INCA1: variants seen among roughly 807,000 people sequenced by gnomAD.
INCA1 encodes inhibitor of CDK, cyclin A1 interacting protein 1, also known as protein INCA1.
Under a neutral mutation model 25.7 loss-of-function variants are expected in INCA1, and 28 were observed. That is an observed-to-expected ratio of 1.09 (90% CI 0.81 to 1.49). INCA1 has a LOEUF of 1.49. Among genes scored for constraint, INCA1 ranks in the 40% most tolerant of loss-of-function variants. The pLI is 0.00. For synonymous variants in INCA1, 111 were observed against 103.6 expected (o/e 1.07, Z -0.43); for missense variants, 309 against 290.9 (o/e 1.06, Z -0.45).
intron 2 of INCA1, among the ~76,000 whole-genome samples, chr17:4,993,029 G>A (rs1597814860): frequency 6.6e-6 from 1 of 151,868 alleles, no homozygotes; most frequent in African/African-American, 2.4e-5. Context: ...ATAGGCACCC[G>A]CCACCACACT....
chr17:4,989,924 G>A, exon 4 of INCA1: 1 of 1,614,222 alleles, frequency 6.2e-7, no homozygotes, highest in Non-Finnish European at 8.5e-7. Flanking sequence ...CTCCAGCCAA[G>A]TGGGGCTGTG....
chr17:4,989,244 C>T (rs935751347), intron 5 of INCA1, among the ~76,000 whole-genome samples, 184 bp downstream of exon 5: 1 of 152,202 alleles, frequency 6.6e-6, no homozygotes, highest in Non-Finnish European at 1.5e-5. Context: ...GCAGTTCCCT[C>T]CTTCTTTCCA....
At chr17:4,989,438 T>C (rs746480884) in exon 5 of INCA1, 1 of 1,612,998 alleles carries the variant, frequency 6.2e-7, no homozygotes, top group South Asian at 1.1e-5. Context: ...TCGTTGATGA[T>C]GCTCTGACGC....
chr17:4,991,844 A>G (rs560858856), intron 2 of INCA1, among the ~76,000 whole-genome samples: 2 of 152,268 alleles, frequency 1.3e-5, no homozygotes, highest in South Asian at 4.1e-4. Context: ...AGTTCCTGTC[A>G]GTTTTACATC....
intron 6 of INCA1, 65 bp from the exon 7 acceptor site, chr17:4,988,619 T>A (rs1301133239): frequency 6.3e-7 from 1 of 1,590,144 alleles, no homozygotes; most frequent in Non-Finnish European, 8.6e-7. Context: ...GATTTCCTAG[T>A]ACCCAAGCTT....
chr17:4,989,345 G>T, intron 5 of INCA1, 83 bp downstream of exon 5: 1 of 1,334,126 alleles, frequency 7.5e-7, no homozygotes, highest in South Asian at 1.4e-5. Context: ...TCCCCTCAAA[G>T]CTGTCAACCC....
exon 5 of INCA1, chr17:4,989,525 C>T: frequency 6.2e-7 from 1 of 1,614,250 alleles, no homozygotes; most frequent in Non-Finnish European, 8.5e-7. Flanking sequence ...TGCTGCATTC[C>T]TTCCAAACAT....
chr17:4,992,481 A>C (rs1450191017), intron 2 of INCA1, among the ~76,000 whole-genome samples: 1 of 152,078 alleles, frequency 6.6e-6, no homozygotes, highest in African/African-American at 2.4e-5. Flanking sequence ...ATGAGGTCTC[A>C]CTATGTTGCC....
At chr17:4,990,413 G>A (rs1973793910) in intron 2 of INCA1, 148 bp from the exon 3 acceptor site, 1 of 853,924 alleles carries the variant, frequency 1.2e-6, no homozygotes, top group Non-Finnish European at 1.8e-6. Context: ...TTTAGCTGAA[G>A]AAGGTGGTAA....
At position 4,990,371 on chromosome 17, in the gene INCA1, G is replaced by C; in HGVS notation, c.45-106C>G. ...TTCCATGGGACTATAAAGCTGCCCAGGTTCCCTCGGGCCATGTCCTCTCTT... is the reference window on the plus strand; with the variant it reads ...TTCCATGGGACTATAAAGCTGCCCACGTTCCCTCGGGCCATGTCCTCTCTT... On this transcript the variant is annotated intron_variant, in intron 2 of 6. Transcript: ENST00000576820. 3 of 1,284,146 alleles carry C rather than the reference G, an allele frequency of 2.3e-6. No homozygotes were observed. The South Asian group carries it at 4.6e-5, about 20-fold the overall frequency. 79.5% of individuals were successfully genotyped at this position (1,284,146 alleles called of 1,614,324 possible).
rs547645033 is a variant in INCA1, at chr17:4,995,023, T to A, written c.-38-548A>T. Reference sequence around the variant, plus strand: ...GAGTTCGAGACCAGTCTGACCAACATGGAGAAACCCCGTCTCTACTAAAAA... The same window carrying A: ...GAGTTCGAGACCAGTCTGACCAACAAGGAGAAACCCCGTCTCTACTAAAAA... On this transcript the variant is annotated intron_variant, in intron 1 of 6. Coordinates refer to ENST00000576820, the Ensembl canonical transcript of INCA1. Among the ~76,000 whole-genome samples the A allele has an allele frequency of 2.6e-5, 4 of 151,946 alleles. No homozygotes were observed. In the South Asian group the frequency reaches 8.3e-4, roughly 32 times the overall value.
At chr17:4,990,083 T>G in intron 3 of INCA1, 69 bp downstream of exon 3, 2 of 1,610,504 alleles carry the variant, frequency 1.2e-6, no homozygotes, top group Non-Finnish European at 1.7e-6. Flanking sequence ...CCTATTGCTA[T>G]ATGGGTTTAT....
At chr17:4,996,257 T>G (rs1974251730) in intron 1 of INCA1, among the ~76,000 whole-genome samples, 1 of 150,744 alleles carries the variant, frequency 6.6e-6, no homozygotes. Context: ...TGTGGTGGTG[T>G]GCGCTTGTAC....
At chr17:4,989,799 G>A in intron 4 of INCA1, 91 bp downstream of exon 4, 1 of 1,592,266 alleles carries the variant, frequency 6.3e-7, no homozygotes, top group Non-Finnish European at 8.6e-7. Flanking sequence ...GGGAATAACA[G>A]AGGGAAGCGG....
chr17:4,993,617 C>T (rs1305842248), intron 2 of INCA1, among the ~76,000 whole-genome samples: 7 of 151,842 alleles, frequency 4.6e-5, no homozygotes, highest in East Asian at 1.9e-4. Context: ...TACAGGCGCC[C>T]GCCACCACAC....
intron 5 of INCA1, 34 bp downstream of exon 5, chr17:4,989,385 AATCCTGCAT>A: frequency 6.4e-7 from 1 of 1,572,566 alleles, no homozygotes; most frequent in Non-Finnish European, 8.7e-7. Flanking sequence ...TCTGCCCCCA[AATCCTGCAT>A]GACTCCCAGA....
At chr17:4,994,298 C>T (rs140898132) in intron 2 of INCA1, 96 bp downstream of exon 2, 2 of 1,136,684 alleles carry the variant, frequency 1.8e-6, no homozygotes, top group African/African-American at 3.0e-5. Flanking sequence ...ATTGCATTTC[C>T]CGTTCTTTAT....
chr17:4,997,251 G>C (rs1214651640), upstream of INCA1: 1 of 152,252 alleles, frequency 6.6e-6, no homozygotes, highest in Non-Finnish European at 1.5e-5. Context: ...AGCCCCGCCC[G>C]AGGGCACGAC....
At chr17:4,992,559 C>A (rs1973942615) in intron 2 of INCA1, among the ~76,000 whole-genome samples, 1 of 138,590 alleles carries the variant, frequency 7.2e-6, no homozygotes, top group Non-Finnish European at 1.6e-5. Context: ...GCTGTAATTA[C>A]AGGTGTGAGC....
Sources: gnomAD v4.1 joint callset for allele counts (sites outside exome capture counted in the v4.1 genomes callset) on GRCh38, gnomAD v4.1.1 for gene constraint, MANE v1.5 for transcripts, NCBI Gene and HGNC (gene_info 2026-07-23, HGNC 2026-07-21) for gene names.